The following VAV3 variants were observed in gnomAD, a reference collection of about 807,000 sequenced individuals.
VAV3 encodes the protein guanine nucleotide exchange factor VAV3.
A neutral mutation model predicts 131.2 loss-of-function variants in VAV3; 94 were observed. The ratio of observed to expected loss-of-function variants is 0.72; its 90% CI spans 0.61 to 0.85. The LOEUF (loss-of-function observed/expected upper bound fraction) is 0.85. Ranked by LOEUF, VAV3 falls within the 40% of genes least tolerant of loss-of-function variation. The probability of loss-of-function intolerance (pLI) is 0.00; values close to 1 mark genes in which losing one functional copy is unlikely to be tolerated. For missense variants in VAV3, 939 were observed against 1,002.7 expected, an observed-to-expected ratio of 0.94 and a Z score of 0.86; for synonymous variants, 349 against 342.0, an observed-to-expected ratio of 1.02 and a Z score of -0.22.
At chr1:107,798,184 C>G (rs748122886) in intron 2 of VAV3, among the ~76,000 whole-genome samples, 2 of 152,162 alleles carry the variant, frequency 1.3e-5, no homozygotes, top group Non-Finnish European at 2.9e-5. Context: ...TCTAACGAGG[C>G]TGAATTCATA....
chr1:107,828,021 A>C (rs1557870047), intron 2 of VAV3, among the ~76,000 whole-genome samples: 1 of 152,184 alleles, frequency 6.6e-6, no homozygotes, highest in Admixed American at 6.5e-5. Context: ...ACCCCAAGAC[A>C]TGCAGTCACA....
intron 1 of VAV3, among the ~76,000 whole-genome samples, chr1:107,947,292 C>A (rs562442730): frequency 2.0e-5 from 3 of 152,124 alleles, no homozygotes; most frequent in Non-Finnish European, 2.9e-5. Flanking sequence ...CCACAATATT[C>A]CAAGTCTTAT....
At chr1:107,581,297 G>T (rs1049100757) in intron 25 of VAV3, among the ~76,000 whole-genome samples, 2 of 152,160 alleles carry the variant, frequency 1.3e-5, no homozygotes, top group Non-Finnish European at 2.9e-5. Context: ...TCACACTTAG[G>T]TAGGTATCTG....
At chr1:107,800,139 C>T (rs1209586920) in intron 2 of VAV3, among the ~76,000 whole-genome samples, 2 of 152,124 alleles carry the variant, frequency 1.3e-5, no homozygotes, top group Non-Finnish European at 2.9e-5. Flanking sequence ...GTGAATAGTG[C>T]TACACTAAAC....
chr1:107,588,993 T>C (rs1387290151), intron 25 of VAV3, among the ~76,000 whole-genome samples: 1 of 152,224 alleles, frequency 6.6e-6, no homozygotes, highest in African/African-American at 2.4e-5. Context: ...ATACAATTCA[T>C]TGAAAACACT....
intron 17 of VAV3, among the ~76,000 whole-genome samples, chr1:107,694,809 T>C (rs964313502): frequency 4.6e-5 from 7 of 152,140 alleles, no homozygotes; most frequent in Non-Finnish European, 8.8e-5. Context: ...TTCCTTGAGG[T>C]CAAAACACCA....
chr1:107,940,988 C>T lies in VAV3; in HGVS notation c.204+23678G>A, dbSNP rs1209981999. On this transcript the variant is annotated intron_variant, in intron 1 of 26. Coordinates refer to ENST00000370056, the MANE Select transcript of VAV3 (RefSeq NM_006113.5). ...AAGTTTTATACTATGTATATTTTAG[C>T]ACAATTGAAAAAAAAAAACCCTCAA... 6.4e-5 allele frequency among the ~76,000 whole-genome samples: 3 copies of T among 47,036 alleles called. No individual in the cohort carries two copies. In the East Asian group the frequency reaches 1.8e-3, roughly 29 times the overall value. 30.9% of individuals were successfully genotyped at this position (47,036 alleles called of 152,430 possible).
At chr1:107,765,436 G>C (rs916327187) in intron 8 of VAV3, among the ~76,000 whole-genome samples, 1 of 152,106 alleles carries the variant, frequency 6.6e-6, no homozygotes, top group Non-Finnish European at 1.5e-5. Flanking sequence ...TTACAAACTG[G>C]CTTGATGACT....
intron 2 of VAV3, among the ~76,000 whole-genome samples, chr1:107,847,966 A>T (rs996291165): frequency 6.6e-6 from 1 of 152,184 alleles, no homozygotes; most frequent in Non-Finnish European, 1.5e-5. Context: ...CAAAAAACAG[A>T]AAACTTCAGG....
intron 4 of VAV3, among the ~76,000 whole-genome samples, chr1:107,773,833 C>T (rs1484592961): frequency 6.6e-6 from 1 of 152,072 alleles, no homozygotes; most frequent in Admixed American, 6.6e-5. Context: ...CATGAAGGAG[C>T]TGAGATATAA....
At chr1:107,903,729 A>G (rs1483883294) in intron 1 of VAV3, among the ~76,000 whole-genome samples, 1 of 152,160 alleles carries the variant, frequency 6.6e-6, no homozygotes, top group Non-Finnish European at 1.5e-5. Flanking sequence ...AGAAATTCCT[A>G]TCTTAACATT....
rs767116976 is a variant in VAV3, at chr1:107,766,586, A to T, written c.718-36T>A. The T allele has an allele frequency of 3.2e-6, 5 of 1,545,762 alleles. No individual in the cohort carries two copies. In the Admixed American group the frequency reaches 8.7e-5, roughly 27 times the overall value. On this transcript the variant is annotated intron_variant, in intron 7 of 26. Transcript: ENST00000370056. ...AAAACAATGTGAAAGGAAAGTAGGA[A>T]TAACAACCAAAAAATACACCCCAAA...
rs58318688 is a variant in VAV3 at position 107,813,967 on chromosome 1, AGTGTGTGTGTGTGTGTGTGTGT to A, written c.322-34497_322-34476del. ...CTTTTGTATGGCTAAATAGTACTCC[AGTGTGTGTGTGTGTGTGTGTGT>A]GTGTGTGTGTGTGTGTGTGTGTGTG... On this transcript the variant is annotated intron_variant, in intron 2 of 26. Coordinates refer to ENST00000370056, the MANE Select transcript of VAV3 (RefSeq NM_006113.5). 9.7e-4 allele frequency among the ~76,000 whole-genome samples: 132 copies of A among 135,858 alleles called. 1 individual carries two copies. The highest frequency in any genetic ancestry group is 7.4e-3 in the East Asian group (35 of 4,748). 89.1% of individuals were successfully genotyped at this position (135,858 alleles called of 152,430 possible).
chr1:107,720,424 TAAATA>T (rs1661420687), intron 15 of VAV3, among the ~76,000 whole-genome samples: 1 of 109,576 alleles, frequency 9.1e-6, no homozygotes, highest in South Asian at 3.0e-4. Flanking sequence ...AATAAATAAA[TAAATA>T]AAAGTTCCAT....
chr1:107,864,271 G>A (rs768255550), intron 2 of VAV3, among the ~76,000 whole-genome samples: 14 of 152,186 alleles, frequency 9.2e-5, no homozygotes, highest in Non-Finnish European at 1.5e-4. Context: ...TACTGAAAGA[G>A]GTAGGATAGA....
intron 11 of VAV3, among the ~76,000 whole-genome samples, chr1:107,756,174 T>C (rs1245914180): frequency 6.6e-6 from 1 of 152,212 alleles, no homozygotes; most frequent in Non-Finnish European, 1.5e-5. Context: ...TCACCTATTT[T>C]AAAATGTCTT....
intron 2 of VAV3, among the ~76,000 whole-genome samples, chr1:107,818,183 T>C (rs531809515): frequency 1.4e-4 from 21 of 152,250 alleles, no homozygotes; most frequent in African/African-American, 4.8e-4. Flanking sequence ...CTGAATGCAG[T>C]GCTAATTCAG....
At chr1:107,876,224 T>C (rs890306685) in intron 1 of VAV3, among the ~76,000 whole-genome samples, 1 of 152,028 alleles carries the variant, frequency 6.6e-6, no homozygotes. Context: ...GACCAACGGA[T>C]TGGTCAACAC....
chr1:107,959,722 C>A (rs1383623091), intron 1 of VAV3, among the ~76,000 whole-genome samples: 1 of 152,108 alleles, frequency 6.6e-6, no homozygotes, highest in African/African-American at 2.4e-5. Context: ...ATTTTAAATA[C>A]CATCTTCACC....
Sources: gnomAD v4.1 joint callset for allele counts (sites outside exome capture counted in the v4.1 genomes callset) on GRCh38, gnomAD v4.1.1 for gene constraint, MANE v1.5 for transcripts, NCBI Gene and HGNC (gene_info 2026-07-23, HGNC 2026-07-21) for gene names.